The following ADGRL3 variants were observed in gnomAD, a reference collection of about 807,000 sequenced individuals.
ADGRL3 encodes the protein adhesion G protein-coupled receptor L3, also known as calcium-independent alpha-latrotoxin receptor 3.
Under a neutral mutation model 153.5 loss-of-function variants are expected in ADGRL3, and 62 were observed. The ratio of observed to expected loss-of-function variants is 0.40; its 90% CI spans 0.33 to 0.50. ADGRL3 has a LOEUF of 0.50. ADGRL3 is among the 20% of genes least tolerant of loss of function. The probability of loss-of-function intolerance (pLI) is 0.47; values close to 1 mark genes in which losing one functional copy is unlikely to be tolerated. For synonymous variants in ADGRL3, 710 were observed against 672.5 expected, an observed-to-expected ratio of 1.06 and a Z score of -0.86; for missense variants, 1,641 against 1,859.4, an observed-to-expected ratio of 0.88 and a Z score of 2.16.
chr4:61,996,564 T>A (rs1435325636), intron 20 of ADGRL3, among the ~76,000 whole-genome samples: 1 of 152,202 alleles, frequency 6.6e-6, no homozygotes, highest in East Asian at 1.9e-4. Flanking sequence ...GAAGAAAATA[T>A]TCATTTGCAA....
intron 2 of ADGRL3, among the ~76,000 whole-genome samples, chr4:61,442,437 A>G (rs1259735286): frequency 1.3e-5 from 2 of 152,166 alleles, no homozygotes; most frequent in Admixed American, 6.5e-5. Context: ...TTGCAAGTAA[A>G]GAGGTGACAA....
At chr4:61,764,904 T>G (rs2096957852) in intron 8 of ADGRL3, among the ~76,000 whole-genome samples, 1 of 151,508 alleles carries the variant, frequency 6.6e-6, no homozygotes, top group African/African-American at 2.4e-5. Flanking sequence ...TGTGGGGATG[T>G]TAGAAGAAAC....
chr4:62,033,818 A>G (rs560766874), intron 23 of ADGRL3, among the ~76,000 whole-genome samples: 43 of 151,888 alleles, frequency 2.8e-4, no homozygotes, highest in African/African-American at 9.2e-4. Flanking sequence ...AAATTTTTTT[A>G]CTAACTCATT....
At chr4:61,430,624 C>A (rs1192541396) in intron 2 of ADGRL3, among the ~76,000 whole-genome samples, 1 of 152,020 alleles carries the variant, frequency 6.6e-6, no homozygotes, top group Non-Finnish European at 1.5e-5. Flanking sequence ...GTACTTAAAA[C>A]CCACAATCAA....
intron 1 of ADGRL3, among the ~76,000 whole-genome samples, chr4:61,277,806 CT>C (rs1553890975): frequency 2.6e-5 from 4 of 152,116 alleles, no homozygotes; most frequent in Non-Finnish European, 5.9e-5. Context: ...GTATTTTAAG[CT>C]CTATTGCTTA....
At chr4:61,375,033 T>A (rs1578515118) in intron 1 of ADGRL3, among the ~76,000 whole-genome samples, 3 of 152,054 alleles carry the variant, frequency 2.0e-5, no homozygotes, top group Non-Finnish European at 4.4e-5. Context: ...GCATATTGGA[T>A]TTTTGTGAGA....
chr4:61,979,455 G>T, intron 17 of ADGRL3, 108 bp from the exon 18 acceptor site: 3 of 853,128 alleles, frequency 3.5e-6, no homozygotes, highest in South Asian at 2.8e-5. Context: ...GGGTATAGAG[G>T]GTATTTTGTG....
chr4:61,478,432 G>A (rs1279523830), intron 2 of ADGRL3, among the ~76,000 whole-genome samples: 2 of 152,030 alleles, frequency 1.3e-5, no homozygotes, highest in East Asian at 1.9e-4. Flanking sequence ...TCTGAGAGTA[G>A]CTAATGGATG....
At chr4:61,965,863 A>G (rs558862631) in intron 17 of ADGRL3, among the ~76,000 whole-genome samples, 29 of 152,340 alleles carry the variant, frequency 1.9e-4, no homozygotes, top group African/African-American at 7.0e-4. Context: ...TATCATTACA[A>G]TGTAAATAAT....
chr4:61,978,958 C>A (rs1386711687), intron 17 of ADGRL3, among the ~76,000 whole-genome samples: 4 of 152,132 alleles, frequency 2.6e-5, no homozygotes, highest in African/African-American at 7.2e-5. Flanking sequence ...TATCCTAATT[C>A]TTTTAGATCT....
intron 1 of ADGRL3, among the ~76,000 whole-genome samples, chr4:61,310,221 A>G (rs554869236): frequency 2.0e-5 from 3 of 151,828 alleles, no homozygotes; most frequent in Non-Finnish European, 4.4e-5. Flanking sequence ...CTGAAACCCA[A>G]TAAATGAAAA....
chr4:61,215,871 C>G (rs1742551522), intron 1 of ADGRL3, among the ~76,000 whole-genome samples: 1 of 151,948 alleles, frequency 6.6e-6, no homozygotes, highest in Admixed American at 6.6e-5. Context: ...TTAGTCTTGC[C>G]CTTGAGAGTT....
chr4:61,885,420 T>C (rs541633124), intron 9 of ADGRL3, among the ~76,000 whole-genome samples: 1 of 152,294 alleles, frequency 6.6e-6, no homozygotes, highest in Admixed American at 6.5e-5. Flanking sequence ...TTTGTAACCT[T>C]TGGAGAATTA....
intron 5 of ADGRL3, among the ~76,000 whole-genome samples, chr4:61,591,507 T>G (rs1427898708): frequency 6.6e-6 from 1 of 152,150 alleles, no homozygotes; most frequent in African/African-American, 2.4e-5. Flanking sequence ...AAGTTAAATT[T>G]AATGGGCTTT....
chr4:61,821,761 T>C (rs1443671901), intron 9 of ADGRL3, among the ~76,000 whole-genome samples: 1 of 152,192 alleles, frequency 6.6e-6, no homozygotes, highest in African/African-American at 2.4e-5. Context: ...ACATAATCAA[T>C]GAACTAGAGA....
chr4:61,505,810 A>C (rs564332677), intron 3 of ADGRL3, among the ~76,000 whole-genome samples: 1 of 125,692 alleles, frequency 8.0e-6, no homozygotes, highest in South Asian at 2.8e-4. Context: ...CTGGACTCAC[A>C]TCACATCTTT....
At chr4:61,920,101 A>AT (rs2098761860) in intron 13 of ADGRL3, among the ~76,000 whole-genome samples, 1 of 152,210 alleles carries the variant, frequency 6.6e-6, no homozygotes, top group Admixed American at 6.5e-5. Context: ...CTGTTTACTT[A>AT]AAGCCCATTC....
At chr4:61,747,542 G>T (rs1387079419) in intron 8 of ADGRL3, among the ~76,000 whole-genome samples, 2 of 145,508 alleles carry the variant, frequency 1.4e-5, no homozygotes, top group South Asian at 2.2e-4. Context: ...GGGATGCAAG[G>T]CTGGTTCAAT....
At position 61,688,273 on chromosome 4, in the gene ADGRL3, A is replaced by G. The variant is rs1043324752; in HGVS notation, c.583+11338A>G. ...AAGACATAATCTAATTATAATTTAC[A>G]TCTTTTTTAGGTCTGACCACATTTT... On this transcript the variant is annotated intron_variant, in intron 6 of 26. Transcript: ENST00000683033. Among the ~76,000 whole-genome samples, 17 of 152,110 alleles carry G rather than the reference A, an allele frequency of 1.1e-4. 1 individual carries two copies. Among genetic ancestry groups the G allele is most frequent in the African/African-American group, 4.1e-4 (17 of 41,424 alleles).
Sources: gnomAD v4.1 joint callset for allele counts (sites outside exome capture counted in the v4.1 genomes callset) on GRCh38, gnomAD v4.1.1 for gene constraint, MANE v1.5 for transcripts, NCBI Gene and HGNC (gene_info 2026-07-23, HGNC 2026-07-21) for gene names.